The following EBF2 variants were observed in gnomAD, a reference collection of about 807,000 sequenced individuals.
EBF2 encodes the protein EBF transcription factor 2, also known as transcription factor COE2.
In EBF2, 21 loss-of-function variants were observed where a neutral mutation model predicts 72.8. The observed-to-expected ratio is 0.29, with a 90% confidence interval of 0.20 to 0.42. EBF2 has a LOEUF of 0.42. Among genes scored for constraint, EBF2 ranks in the 10% least tolerant of loss-of-function variants. The pLI, the probability that EBF2 is intolerant of heterozygous loss-of-function variation, is 1.00. For synonymous variants in EBF2, 299 were observed against 274.2 expected, an observed-to-expected ratio of 1.09 and a Z score of -0.89; for missense variants, 637 against 731.2, an observed-to-expected ratio of 0.87 and a Z score of 1.49.
chr8:25,909,253 A>G (rs1233094945), intron 6 of EBF2, among the ~76,000 whole-genome samples: 1 of 152,170 alleles, frequency 6.6e-6, no homozygotes, highest in Non-Finnish European at 1.5e-5. Flanking sequence ...TATCTGTGCA[A>G]TTTTAAAATT....
At chr8:25,932,920 C>T (rs1803509019) in intron 6 of EBF2, among the ~76,000 whole-genome samples, 2 of 151,678 alleles carry the variant, frequency 1.3e-5, no homozygotes, top group South Asian at 4.2e-4. Context: ...GTTCCCAGAC[C>T]AATAACACAT....
At chr8:26,020,060 A>T (rs145587678) in intron 6 of EBF2, among the ~76,000 whole-genome samples, 2 of 152,164 alleles carry the variant, frequency 1.3e-5, no homozygotes, top group African/African-American at 2.4e-5. Flanking sequence ...ATGGAGAAAG[A>T]TAAGAAAGAT....
intron 6 of EBF2, among the ~76,000 whole-genome samples, chr8:25,971,973 G>A (rs1563196580): frequency 6.6e-6 from 1 of 152,150 alleles, no homozygotes; most frequent in African/African-American, 2.4e-5. Flanking sequence ...TTCCCCTTTC[G>A]GTGGTAGTCC....
At chr8:25,996,840 T>C (rs1804641258) in intron 6 of EBF2, among the ~76,000 whole-genome samples, 1 of 152,144 alleles carries the variant, frequency 6.6e-6, no homozygotes, top group African/African-American at 2.4e-5. Flanking sequence ...TCATTAGTAA[T>C]GAAAAACATT....
intron 6 of EBF2, among the ~76,000 whole-genome samples, chr8:25,963,307 A>C (rs995937532): frequency 6.6e-6 from 1 of 152,302 alleles, no homozygotes; most frequent in South Asian, 2.1e-4. Context: ...CTGATACCAG[A>C]CAGCCCCATT....
intron 6 of EBF2, among the ~76,000 whole-genome samples, chr8:25,945,395 G>A (rs1803750158): frequency 6.6e-6 from 1 of 152,118 alleles, no homozygotes; most frequent in Non-Finnish European, 1.5e-5. Flanking sequence ...CCCAGGCAAA[G>A]ATGCCTCCCT....
chr8:25,886,307 C>T (rs992720215), intron 10 of EBF2, among the ~76,000 whole-genome samples: 2 of 152,160 alleles, frequency 1.3e-5, no homozygotes, highest in East Asian at 1.9e-4. Flanking sequence ...GCAGTTGATA[C>T]AAAGTAGAAA....
At chr8:25,893,857 C>A (rs1237357494) in intron 7 of EBF2, among the ~76,000 whole-genome samples, 1 of 152,182 alleles carries the variant, frequency 6.6e-6, no homozygotes, top group African/African-American at 2.4e-5. Flanking sequence ...TTCAGATGCA[C>A]TTCATTATTT....
intron 15 of EBF2, among the ~76,000 whole-genome samples, chr8:25,845,905 C>A (rs983133715): frequency 1.3e-5 from 2 of 152,174 alleles, no homozygotes; most frequent in Non-Finnish European, 2.9e-5. Context: ...AGCTTCCAAG[C>A]AAATGGCTGA....
chr8:25,976,519 A>G (rs1804270884), intron 6 of EBF2, among the ~76,000 whole-genome samples: 1 of 152,232 alleles, frequency 6.6e-6, no homozygotes, highest in South Asian at 2.1e-4. Context: ...CTGAGGACTA[A>G]TAATATTTGG....
intron 6 of EBF2, among the ~76,000 whole-genome samples, chr8:25,943,888 A>C (rs1803721951): frequency 6.6e-6 from 1 of 152,128 alleles, no homozygotes; most frequent in Non-Finnish European, 1.5e-5. Flanking sequence ...GATAATCCCC[A>C]AGACTGCCCT....
At chr8:25,913,994 A>T (rs1405036705) in intron 6 of EBF2, among the ~76,000 whole-genome samples, 1 of 152,200 alleles carries the variant, frequency 6.6e-6, no homozygotes, top group South Asian at 2.1e-4. Flanking sequence ...CAATACAGGG[A>T]CAGGCTGGGT....
In EBF2 at chr8:26,025,615, C is replaced by T. The variant is rs547346570; in HGVS notation, c.551+7470G>A. On this transcript the variant is annotated intron_variant, in intron 6 of 15. Coordinates refer to ENST00000520164, the MANE Select transcript of EBF2 (RefSeq NM_022659.4). ...ATCATGAGGAGGAGAGTCATTTTCT[C>T]GAACAAAATTTTGTTTCTTTTTTAC... 2.6e-5 allele frequency among the ~76,000 whole-genome samples: 4 copies of T among 152,210 alleles called. No homozygotes were observed. The South Asian group carries it at 6.2e-4, about 24-fold the overall frequency.
intron 10 of EBF2, among the ~76,000 whole-genome samples, chr8:25,877,798 C>T (rs938769235): frequency 1.3e-5 from 2 of 152,240 alleles, no homozygotes; most frequent in Non-Finnish European, 2.9e-5. Context: ...GACCCAGTCT[C>T]GTAAGAACCC....
intron 6 of EBF2, among the ~76,000 whole-genome samples, chr8:26,005,518 A>AATATAATATATATTATAAAAT (rs1563206026): frequency 4.8e-3 from 50 of 10,504 alleles, no homozygotes; most frequent in African/African-American, 0.028. Context: ...TATATTATAA[A>AATATAATATATATTATAAAAT]ATATATTATA....
chr8:25,862,933 T>A, intron 10 of EBF2, 136 bp from the exon 11 acceptor site: 1 of 409,418 alleles, frequency 2.4e-6, no homozygotes, highest in Non-Finnish European at 4.2e-6. Flanking sequence ...CTATCGACAT[T>A]GGTTAATTCA....
intron 6 of EBF2, among the ~76,000 whole-genome samples, chr8:26,017,249 C>G (rs1317743236): frequency 6.6e-6 from 1 of 151,942 alleles, no homozygotes; most frequent in Admixed American, 6.6e-5. Flanking sequence ...CCCTCATGTG[C>G]CCACCCTGTC....
In EBF2 at chr8:25,932,676, CAGG is replaced by C. The variant is rs112618721; in HGVS notation, c.552-24124_552-24122del. Among the ~76,000 whole-genome samples, 1,145 of 152,238 alleles carry C rather than the reference CAGG, an allele frequency of 7.5e-3. 9 individuals carry two copies. Among genetic ancestry groups the C allele is most frequent in the African/African-American group, 0.026 (1,068 of 41,534 alleles). On this transcript the variant is annotated intron_variant, in intron 6 of 15. Transcript: ENST00000520164. ...ATCTGAACTGAGTCCCCCGTAATTA[CAGG>C]AGAAGGTGGAACAGGTTTGCCGCTA...
At chr8:25,999,622 G>A (rs1218718353) in intron 6 of EBF2, among the ~76,000 whole-genome samples, 1 of 148,978 alleles carries the variant, frequency 6.7e-6, no homozygotes, top group Non-Finnish European at 1.5e-5. Flanking sequence ...TTTTTACTCT[G>A]GATCTTGTCT....
Sources: allele counts gnomAD v4.1 joint callset (sites outside exome capture counted in the v4.1 genomes callset), GRCh38; gene constraint gnomAD v4.1.1; transcripts MANE v1.5; gene names NCBI Gene and HGNC (gene_info 2026-07-23, HGNC 2026-07-21).